The following IGF2BP3 variants were observed in gnomAD, a reference collection of about 807,000 sequenced individuals.
IGF2BP3 encodes insulin-like growth factor 2 mRNA-binding protein 3.
IGF2BP3 carries 9 observed loss-of-function variants against 73.8 expected under a neutral mutation model. That is an observed-to-expected ratio of 0.12 (90% CI 0.07 to 0.21). The LOEUF (loss-of-function observed/expected upper bound fraction) is 0.21, where lower values mean the gene tolerates loss of function less well. Among genes scored for constraint, IGF2BP3 ranks in the 10% least tolerant of loss-of-function variants. The pLI, the probability that IGF2BP3 is intolerant of heterozygous loss-of-function variation, is 1.00. For missense variants in IGF2BP3, 542 were observed against 714.0 expected (o/e 0.76, Z 2.75); for synonymous variants, 258 against 256.7 (o/e 1.01, Z -0.05).
At chr7:23,326,986 G>A (rs1389439026) in intron 10 of IGF2BP3, among the ~76,000 whole-genome samples, 4 of 150,964 alleles carry the variant, frequency 2.6e-5, no homozygotes, top group Non-Finnish European at 5.9e-5. Context: ...GTTAGTGGGT[G>A]CAGGGCACCA....
In IGF2BP3 at chr7:23,398,071, C is replaced by A. The variant is rs1786534979; in HGVS notation, c.285+20705G>T. Among the ~76,000 whole-genome samples the A allele has an allele frequency of 2.2e-5, 3 of 133,352 alleles. No individual in the cohort carries two copies. In the South Asian group the frequency reaches 8.6e-4, roughly 38 times the overall value. The allele number at this position is 133,352 out of a possible 152,430, so 87.5% of individuals were successfully genotyped here. ...AAATGCTATCCCTCCCCCCGCCCCA[C>A]CCCACAACAGTCCCCAGAGTGTGAT... is the stretch of plus-strand genomic sequence containing the variant. On this transcript the variant is annotated intron_variant, in intron 3 of 14. Transcript: ENST00000258729.
At chr7:23,357,365 C>T (rs1175169930) in intron 5 of IGF2BP3, among the ~76,000 whole-genome samples, 1 of 151,938 alleles carries the variant, frequency 6.6e-6, no homozygotes, top group Non-Finnish European at 1.5e-5. Context: ...CCTCCACCTC[C>T]CAGGTTCAAG....
intron 3 of IGF2BP3, among the ~76,000 whole-genome samples, chr7:23,364,245 G>A (rs1177237769): frequency 2.6e-5 from 4 of 151,928 alleles, no homozygotes; most frequent in African/African-American, 4.8e-5. Context: ...ACGGTGGTGC[G>A]CGCTTGTAGT....
chr7:23,417,511 T>A (rs1787225486), intron 3 of IGF2BP3, among the ~76,000 whole-genome samples: 1 of 152,198 alleles, frequency 6.6e-6, no homozygotes, highest in Admixed American at 6.5e-5. Flanking sequence ...ATGAATGAAT[T>A]AAAAGGAAAC....
rs758491169 is a variant in IGF2BP3, at chr7:23,469,928, G to A, written c.175+8C>T. 1.2e-6 allele frequency: 2 copies of A among 1,604,622 alleles called. No homozygotes were observed. The highest frequency in any genetic ancestry group is 1.7e-6 in the Non-Finnish European group (2 of 1,176,624). ...CGAGAGCCCGGGTGGGGCCAGGCCCGGGCCCACCTGAAAGCGCCTCGATGG... is the reference window on the plus strand; with the variant it reads ...CGAGAGCCCGGGTGGGGCCAGGCCCAGGCCCACCTGAAAGCGCCTCGATGG... On this transcript the variant is annotated splice_region_variant and intron_variant, in intron 1 of 14. Transcript: ENST00000258729. This position sits in a 1 kb window ranked among gnomAD's most constrained non-coding sequence, Gnocchi z 6.1.
chr7:23,372,289 G>T lies in IGF2BP3; in HGVS notation c.286-10548C>A, dbSNP rs371854919. Among the ~76,000 whole-genome samples the T allele has an allele frequency of 6.6e-5, 10 of 152,072 alleles. No individual in the cohort carries two copies. In the East Asian group the frequency reaches 1.4e-3, roughly 21 times the overall value. On this transcript the variant is annotated intron_variant, in intron 3 of 14. Coordinates refer to ENST00000258729, the MANE Select transcript of IGF2BP3 (RefSeq NM_006547.3). ...GGGGTTTCACTATGTTGGCCAGGCTGGCCTCAAACTCCTGACCTCGTGATC... is the reference window on the plus strand; with the variant it reads ...GGGGTTTCACTATGTTGGCCAGGCTTGCCTCAAACTCCTGACCTCGTGATC...
intron 11 of IGF2BP3, among the ~76,000 whole-genome samples, chr7:23,318,862 C>T (rs561235239): frequency 8.5e-5 from 13 of 152,270 alleles, no homozygotes; most frequent in Admixed American, 2.6e-4. Context: ...GGACCAAGGC[C>T]GTACCTGGGG....
At chr7:23,367,446 CA>C (rs778774496) in intron 3 of IGF2BP3, among the ~76,000 whole-genome samples, 20 of 133,494 alleles carry the variant, frequency 1.5e-4, no homozygotes, top group Admixed American at 3.6e-4. Flanking sequence ...TCTTAAAGGC[CA>C]AAAAAAAAAC....
At chr7:23,382,434 T>C (rs1468422883) in intron 3 of IGF2BP3, among the ~76,000 whole-genome samples, 2 of 151,938 alleles carry the variant, frequency 1.3e-5, no homozygotes, top group African/African-American at 4.8e-5. Flanking sequence ...ATTTCAACTG[T>C]ATCGTAAGAG....
intron 5 of IGF2BP3, among the ~76,000 whole-genome samples, chr7:23,354,935 T>C (rs1312509225): frequency 2.0e-5 from 3 of 152,220 alleles, no homozygotes; most frequent in South Asian, 4.1e-4. Context: ...GAACCTAACA[T>C]GCAGAATGGC....
At chr7:23,366,988 C>CTTTTTTT (rs397942338) in intron 3 of IGF2BP3, among the ~76,000 whole-genome samples, 2 of 116,154 alleles carry the variant, frequency 1.7e-5, no homozygotes, top group Admixed American at 8.7e-5. Flanking sequence ...TCACATTTTG[C>CTTTTTTT]TTTTTTTTTT....
intron 3 of IGF2BP3, among the ~76,000 whole-genome samples, chr7:23,401,334 C>T (rs1786656327): frequency 6.6e-6 from 1 of 152,154 alleles, no homozygotes. Flanking sequence ...CTGCCAGCAT[C>T]ATGGAGGCAG....
chr7:23,315,886 T>G (rs1562665258), intron 12 of IGF2BP3, among the ~76,000 whole-genome samples: 2 of 152,210 alleles, frequency 1.3e-5, no homozygotes, highest in African/African-American at 4.8e-5. Context: ...AAGTGTTACA[T>G]TTAAGTTAAC....
At chr7:23,380,986 C>T (rs1399054995) in intron 3 of IGF2BP3, among the ~76,000 whole-genome samples, 1 of 152,196 alleles carries the variant, frequency 6.6e-6, no homozygotes, top group Non-Finnish European at 1.5e-5. Flanking sequence ...AGTAAGCACC[C>T]ACCTCCAACC....
chr7:23,332,745 T>A (rs896049137), intron 10 of IGF2BP3, among the ~76,000 whole-genome samples: 3 of 152,230 alleles, frequency 2.0e-5, no homozygotes, highest in Non-Finnish European at 4.4e-5. Flanking sequence ...CTTTTTTATT[T>A]TATAACTGGA....
intron 3 of IGF2BP3, among the ~76,000 whole-genome samples, chr7:23,364,202 C>T (rs1310551117): frequency 6.6e-6 from 1 of 151,974 alleles, no homozygotes; most frequent in Admixed American, 6.6e-5. Flanking sequence ...GGTGAAGCCC[C>T]GTCTCTACTA....
intron 10 of IGF2BP3, among the ~76,000 whole-genome samples, chr7:23,334,039 T>G (rs1784510725): frequency 6.6e-6 from 1 of 152,122 alleles, no homozygotes. Context: ...TATATGGGAT[T>G]CAGAATAAGC....
chr7:23,421,838 G>A (rs1316209909), intron 2 of IGF2BP3, among the ~76,000 whole-genome samples: 2 of 152,044 alleles, frequency 1.3e-5, no homozygotes, highest in South Asian at 4.1e-4. Context: ...AGGCTGGAGT[G>A]CAGTGGCGTG....
At chr7:23,379,419 G>A (rs1785835154) in intron 3 of IGF2BP3, among the ~76,000 whole-genome samples, 1 of 152,194 alleles carries the variant, frequency 6.6e-6, no homozygotes, top group Admixed American at 6.5e-5. Flanking sequence ...CCCCTCAGAT[G>A]TGATTCCACT....
Sources: gnomAD v4.1 joint callset for allele counts (sites outside exome capture counted in the v4.1 genomes callset) on GRCh38, gnomAD v4.1.1 for gene constraint, Gnocchi (gnomAD v3.1) non-coding constraint, MANE v1.5 for transcripts, NCBI Gene and HGNC (gene_info 2026-07-23, HGNC 2026-07-21) for gene names.